CSGALNACT1: variants seen among roughly 807,000 people sequenced by gnomAD.
CSGALNACT1 encodes beta4GalNAcT-1.
In CSGALNACT1, 52 loss-of-function variants were observed where a neutral mutation model predicts 51.0. The ratio of observed to expected loss-of-function variants is 1.02; its 90% CI spans 0.82 to 1.29. The LOEUF (loss-of-function observed/expected upper bound fraction) is 1.29. Ranked by LOEUF, CSGALNACT1 falls within the 50% of genes most tolerant of loss-of-function variation. The pLI, the probability that CSGALNACT1 is intolerant of heterozygous loss-of-function variation, is 0.00. For synonymous variants in CSGALNACT1, 341 were observed against 254.4 expected (o/e 1.34, Z -3.24); for missense variants, 935 against 679.2 (o/e 1.38, Z -4.19).
intron 3 of CSGALNACT1, among the ~76,000 whole-genome samples, chr8:19,556,352 AG>A (rs2039425207): frequency 6.6e-6 from 1 of 151,154 alleles, no homozygotes; most frequent in Non-Finnish European, 1.5e-5. Flanking sequence ...ACTCCAGCCT[AG>A]GCAACAAGAG....
intron 1 of CSGALNACT1, among the ~76,000 whole-genome samples, chr8:19,728,536 G>A (rs937264335): frequency 1.3e-5 from 2 of 149,252 alleles, no homozygotes; most frequent in Non-Finnish European, 3.0e-5. Context: ...GTGAGTTTAG[G>A]TCAGACTTAT....
chr8:19,525,174 C>T (rs940963636), intron 3 of CSGALNACT1, among the ~76,000 whole-genome samples: 15 of 152,180 alleles, frequency 9.9e-5, no homozygotes, highest in Admixed American at 9.2e-4. Context: ...CAGGGCAATC[C>T]CTGTTGCCAA....
chr8:19,433,143 G>T (rs1563365278), intron 6 of CSGALNACT1, among the ~76,000 whole-genome samples: 1 of 152,070 alleles, frequency 6.6e-6, no homozygotes, highest in Non-Finnish European at 1.5e-5. Context: ...TCTTTATTGT[G>T]CGACCACTTA....
intron 3 of CSGALNACT1, among the ~76,000 whole-genome samples, chr8:19,588,882 A>G (rs2047216272): frequency 6.6e-6 from 1 of 152,136 alleles, no homozygotes; most frequent in Admixed American, 6.5e-5. Flanking sequence ...TCATCTGTTC[A>G]TTAAGTACTG....
intron 5 of CSGALNACT1, among the ~76,000 whole-genome samples, chr8:19,453,548 T>A (rs879554890): frequency 3.3e-5 from 5 of 151,990 alleles, no homozygotes; most frequent in Non-Finnish European, 5.9e-5. Flanking sequence ...AAATAAAGCA[T>A]CCAAAAATTT....
intron 1 of CSGALNACT1, chr8:19,642,121 G>C (rs978627553): frequency 9.9e-5 from 15 of 152,160 alleles, no homozygotes; most frequent in African/African-American, 3.4e-4. Flanking sequence ...GTTCCATTCT[G>C]CCTGAATCAT....
intron 1 of CSGALNACT1, among the ~76,000 whole-genome samples, chr8:19,619,286 G>C (rs1263392097): frequency 1.3e-5 from 2 of 151,764 alleles, no homozygotes; most frequent in Non-Finnish European, 2.9e-5. Context: ...ACAGACATGA[G>C]AAAGCATGGC....
At chr8:19,460,366 G>A (rs779437801) in intron 4 of CSGALNACT1, among the ~76,000 whole-genome samples, 43 of 152,002 alleles carry the variant, frequency 2.8e-4, no homozygotes, top group Middle Eastern at 3.4e-3. Flanking sequence ...CTCTTTCTGG[G>A]GGCTTAATTT....
chr8:19,703,044 G>A (rs758519098), intron 1 of CSGALNACT1, among the ~76,000 whole-genome samples: 7 of 152,148 alleles, frequency 4.6e-5, no homozygotes, highest in Non-Finnish European at 8.8e-5. Flanking sequence ...AGGGAAACCT[G>A]TAACCCTATG....
chr8:19,547,103 C>G (rs1358721462), intron 3 of CSGALNACT1, among the ~76,000 whole-genome samples: 1 of 152,092 alleles, frequency 6.6e-6, no homozygotes, highest in Non-Finnish European at 1.5e-5. Context: ...AAGTGATATC[C>G]TCAGTCTTTC....
intron 5 of CSGALNACT1, 73 bp downstream of exon 4, chr8:19,458,353 G>T: frequency 8.3e-7 from 1 of 1,207,310 alleles, no homozygotes; most frequent in Non-Finnish European, 1.2e-6. Context: ...AAATGAAGGA[G>T]ATGACGGGAA....
intron 4 of CSGALNACT1, among the ~76,000 whole-genome samples, chr8:19,469,257 G>T (rs2067497543): frequency 6.6e-6 from 1 of 152,164 alleles, no homozygotes; most frequent in Non-Finnish European, 1.5e-5. Context: ...AGGGCATGGT[G>T]CTGTGCACCT....
chr8:19,718,009 G>A (rs1465546823), intron 1 of CSGALNACT1, among the ~76,000 whole-genome samples: 3 of 152,162 alleles, frequency 2.0e-5, no homozygotes, highest in African/African-American at 7.2e-5. Flanking sequence ...CCATCGCAGG[G>A]CTGGGCATCA....
In CSGALNACT1 at chr8:19,552,161, AAAG is replaced by A. The variant is rs143966383; in HGVS notation, c.-297+38996_-297+38998del. Among the ~76,000 whole-genome samples the A allele has an allele frequency of 8.5e-4, 130 of 152,354 alleles. 1 individual carries two copies. The East Asian group carries it at 0.022, about 26-fold the overall frequency. On this transcript the variant is annotated intron_variant, in intron 3 of 9. Transcript: ENST00000454498. ...ACAAACAGATTAGATTATACCATGA[AAAG>A]AAGACTAATGAGGGATTTAATAATG...
intron 3 of CSGALNACT1, among the ~76,000 whole-genome samples, chr8:19,588,858 G>C (rs1253411036): frequency 6.6e-6 from 1 of 152,122 alleles, no homozygotes; most frequent in African/African-American, 2.4e-5. Flanking sequence ...TTACGTCTCT[G>C]AGTCTCAGTT....
intron 3 of CSGALNACT1, among the ~76,000 whole-genome samples, chr8:19,577,151 G>A (rs1248673041): frequency 6.6e-6 from 1 of 152,164 alleles, no homozygotes; most frequent in East Asian, 1.9e-4. Context: ...ACAAACCAGT[G>A]CCCCTTCTTG....
At chr8:19,643,547 A>C (rs78813138) in intron 1 of CSGALNACT1, among the ~76,000 whole-genome samples, 2 of 152,040 alleles carry the variant, frequency 1.3e-5, no homozygotes, top group Non-Finnish European at 2.9e-5. Context: ...CTAAGACAAA[A>C]GAGTTGCTTG....
intron 5 of CSGALNACT1, chr8:19,457,670 G>C (rs1416575374): frequency 7.7e-7 from 1 of 1,296,204 alleles, no homozygotes; most frequent in South Asian, 1.2e-5. Flanking sequence ...TAGACAGTAG[G>C]ATTTTCTATG....
intron 3 of CSGALNACT1, among the ~76,000 whole-genome samples, chr8:19,536,197 T>A (rs2083691607): frequency 6.6e-6 from 1 of 152,152 alleles, no homozygotes; most frequent in Admixed American, 6.5e-5. Flanking sequence ...TGATGTAAAA[T>A]GTAGATTCAT....
Sources: allele counts gnomAD v4.1 joint callset (sites outside exome capture counted in the v4.1 genomes callset), GRCh38; gene constraint gnomAD v4.1.1; transcripts MANE v1.5; gene names NCBI Gene and HGNC (gene_info 2026-07-23, HGNC 2026-07-21).